KLHL5: variants seen among roughly 807,000 people sequenced by gnomAD.
KLHL5 encodes kelch-like protein 5.
Under a neutral mutation model 77.7 loss-of-function variants are expected in KLHL5, and 48 were observed. That is an observed-to-expected ratio of 0.62 (90% CI 0.49 to 0.79). The LOEUF (loss-of-function observed/expected upper bound fraction) is 0.79. Ranked by LOEUF, KLHL5 falls within the 30% of genes least tolerant of loss-of-function variation. The pLI is 0.00. For missense variants in KLHL5, 723 were observed against 859.7 expected, an observed-to-expected ratio of 0.84 and a Z score of 1.99; for synonymous variants, 260 against 297.0, an observed-to-expected ratio of 0.88 and a Z score of 1.28.
chr4:39,136,253 G>A, the KLHL5 span, among the ~76,000 whole-genome samples: 70,347 of 151,758 alleles, frequency 0.46, 18,859 homozygotes, highest in Non-Finnish European at 0.59. Context: ...TCCACCTGCC[G>A]GGTTCAAGAG....
chr4:39,105,936 A>G (rs947708360), intron 7 of KLHL5, among the ~76,000 whole-genome samples: 5 of 152,250 alleles, frequency 3.3e-5, no homozygotes, highest in Non-Finnish European at 5.9e-5. Flanking sequence ...TTGGCCCCCA[A>G]GTGACATATT....
intron 7 of KLHL5, among the ~76,000 whole-genome samples, chr4:39,105,150 A>ATTT (rs5857651): frequency 9.9e-4 from 145 of 147,194 alleles, no homozygotes; most frequent in Middle Eastern, 3.5e-3. Flanking sequence ...GTTCTGCTAA[A>ATTT]TTTTTTTTTT....
intron 7 of KLHL5, among the ~76,000 whole-genome samples, chr4:39,105,481 T>G (rs985785398): frequency 6.6e-6 from 1 of 151,982 alleles, no homozygotes; most frequent in African/African-American, 2.4e-5. Flanking sequence ...TTTAATGGGT[T>G]GAATTAGGTG....
intron 1 of KLHL5, among the ~76,000 whole-genome samples, chr4:39,066,328 C>T (rs1717893190): frequency 6.6e-6 from 1 of 152,156 alleles, no homozygotes; most frequent in African/African-American, 2.4e-5. Flanking sequence ...ATAGTATAAA[C>T]ATGATTTATA....
rs551038426 is a variant in KLHL5 at position 39,111,200 on chromosome 4, A to G, written c.1689-1820A>G. Among the ~76,000 whole-genome samples the G allele has an allele frequency of 3.6e-4, 55 of 152,268 alleles. No individual in the cohort carries two copies. The South Asian group carries it at 0.01, about 28-fold the overall frequency. On this transcript the variant is annotated intron_variant, in intron 8 of 10. Coordinates refer to ENST00000504108, the MANE Select transcript of KLHL5 (RefSeq NM_015990.5). ...CTACAAGAACACAGAGACGTAATTA[A>G]TTTTTCTCTGTAAATGTTTATGCCA... is the stretch of plus-strand genomic sequence containing the variant.
chr4:39,062,975 G>T lies in KLHL5; in HGVS notation c.323G>T (p.Arg108Ile). ...TGTGGCGGTGCACATTGGCTGGATAGACCAGAAGTGGATGATGGCACTAGT... is the reference window on the plus strand; with the variant it reads ...TGTGGCGGTGCACATTGGCTGGATATACCAGAAGTGGATGATGGCACTAGT... ...EDCGGAHWLD[R>I]PEVDDGTSEE... Residue 108 changes from arginine to isoleucine, a missense_variant, in exon 1 of 11, where the codon AGA becomes ATA. Transcript: ENST00000504108. 6.2e-7 allele frequency: 1 copy of T among 1,614,048 alleles called. No homozygotes were observed. The highest frequency in any genetic ancestry group is 1.1e-5 in the South Asian group (1 of 91,028).
At chr4:39,102,603 A>C (rs1396728807) in intron 6 of KLHL5, among the ~76,000 whole-genome samples, 1 of 152,038 alleles carries the variant, frequency 6.6e-6, no homozygotes, top group Non-Finnish European at 1.5e-5. Flanking sequence ...AACATGGTTC[A>C]TTATGTTCGT....
In KLHL5 at chr4:39,084,360, C is replaced by T. The variant is rs115508514; in HGVS notation, c.901-2155C>T. On this transcript the variant is annotated intron_variant, in intron 4 of 10. Transcript: ENST00000504108. ...CATGACCTGGAGCAAGTCATGTAAC[C>T]TCTAAAAAAGTCTTAAGACTGGTTG... 9.6e-3 allele frequency among the ~76,000 whole-genome samples: 1,463 copies of T among 152,174 alleles called. 23 individuals carry two copies. Among genetic ancestry groups the T allele is most frequent in the African/African-American group, 0.034 (1,401 of 41,486 alleles).
chr4:39,100,101 A>G (rs1399090247), intron 6 of KLHL5, among the ~76,000 whole-genome samples: 1 of 152,158 alleles, frequency 6.6e-6, no homozygotes, highest in African/African-American at 2.4e-5. Flanking sequence ...TCAGCTTTTA[A>G]CTCAAACTTG....
intron 1 of KLHL5, among the ~76,000 whole-genome samples, chr4:39,069,710 T>TTAAAA (rs1718295740): frequency 6.6e-6 from 1 of 152,030 alleles, no homozygotes; most frequent in African/African-American, 2.4e-5. Context: ...TAATGTGTTT[T>TTAAAA]TAAAATAAAA....
At chr4:39,098,260 T>C (rs1261516249) in intron 6 of KLHL5, among the ~76,000 whole-genome samples, 1 of 151,782 alleles carries the variant, frequency 6.6e-6, no homozygotes, top group African/African-American at 2.4e-5. Flanking sequence ...CAAGTTACTG[T>C]TTTTTTGTTT....
At chr4:39,069,390 T>G (rs980541077) in intron 1 of KLHL5, among the ~76,000 whole-genome samples, 5 of 148,908 alleles carry the variant, frequency 3.4e-5, no homozygotes, top group African/African-American at 1.2e-4. Flanking sequence ...TCAGAGTTCT[T>G]TGGATCTAAT....
In KLHL5 at chr4:39,062,890, C is replaced by T. The variant is rs1462409534; in HGVS notation, c.238C>T (p.Pro80Ser). 1.4e-5 allele frequency: 22 copies of T among 1,614,146 alleles called. No homozygotes were observed. Among genetic ancestry groups the T allele is most frequent in the Non-Finnish European group, 1.9e-5 (22 of 1,180,018 alleles). The change falls in exon 1 of 11, where the codon CCT becomes TCT. Residue 80 changes from proline (P) to serine (S), a missense_variant. Transcript: ENST00000504108. ...CAGCCAACTGGATTTTCAGAATTCA[C>T]CTTCTTGGCCAATGGCATCCACCTC... ...RSSQLDFQNS[P>S]SWPMASTSEV...
intron 10 of KLHL5, among the ~76,000 whole-genome samples, chr4:39,116,517 G>A (rs1722854466): frequency 6.6e-6 from 1 of 152,004 alleles, no homozygotes; most frequent in Non-Finnish European, 1.5e-5. Context: ...AGTGGTTATG[G>A]GGAAAGCTTT....
chr4:39,047,319 G>GA (rs1716267141), intron 1 of KLHL5, among the ~76,000 whole-genome samples: 1 of 152,194 alleles, frequency 6.6e-6, no homozygotes, highest in Non-Finnish European at 1.5e-5. Context: ...TAAGGAGGCT[G>GA]AAGGAGGAGA....
At chr4:39,079,498 TTTC>T (rs1391170872) in intron 2 of KLHL5, among the ~76,000 whole-genome samples, 2 of 152,208 alleles carry the variant, frequency 1.3e-5, no homozygotes, top group African/African-American at 4.8e-5. Context: ...TTTTGCACTA[TTTC>T]TTCTGCCTGA....
chr4:39,045,084 G>A (rs1046735692), exon 1 of KLHL5: 1 of 987,168 alleles, frequency 1.0e-6, no homozygotes, highest in Non-Finnish European at 1.2e-6. Context: ...GGCCGCCTCC[G>A]GAGCCCGACG....
intron 5 of KLHL5, among the ~76,000 whole-genome samples, chr4:39,089,688 G>A (rs934864164): frequency 2.6e-5 from 4 of 152,186 alleles, no homozygotes; most frequent in African/African-American, 7.2e-5. Flanking sequence ...TAGCCCAGTG[G>A]TTCTTAAAGT....
intron 9 of KLHL5, 102 bp downstream of exon 9, chr4:39,113,334 C>T (rs1722597964): frequency 5.2e-6 from 5 of 961,152 alleles, no homozygotes; most frequent in African/African-American, 1.6e-5. Context: ...AAGGGAAAGT[C>T]GGCATTCAAA....
Sources: gnomAD v4.1 joint callset for allele counts (sites outside exome capture counted in the v4.1 genomes callset) on GRCh38, gnomAD v4.1.1 for gene constraint, MANE v1.5 for transcripts, NCBI Gene and HGNC (gene_info 2026-07-23, HGNC 2026-07-21) for gene names.